The following ASXL1 variants were observed in gnomAD, a reference collection of about 807,000 sequenced individuals.
ASXL1 encodes ASXL transcriptional regulator 1.
A neutral mutation model predicts 89.1 loss-of-function variants in ASXL1; 65 were observed. The ratio of observed to expected loss-of-function variants is 0.73; its 90% CI spans 0.60 to 0.90. The LOEUF is 0.90. Ranked by LOEUF, ASXL1 falls within the 40% of genes least tolerant of loss-of-function variation. ASXL1 has a pLI of 0.00. For synonymous variants in ASXL1, 739 were observed against 746.9 expected (o/e 0.99, Z 0.17); for missense variants, 1,786 against 1,942.9 (o/e 0.92, Z 1.52).
chr20:32,398,120 C>T (rs1278109236), intron 4 of ASXL1, among the ~76,000 whole-genome samples: 1 of 152,148 alleles, frequency 6.6e-6, no homozygotes, highest in Non-Finnish European at 1.5e-5. Flanking sequence ...TAGAAAAATA[C>T]ATTTAAAATT....
rs115526367 is a variant in ASXL1 at position 32,416,606 on chromosome 20, C to T, written c.253-11522C>T. Among the ~76,000 whole-genome samples, 398 of 152,262 alleles carry T rather than the reference C, an allele frequency of 2.6e-3. 3 individuals are homozygous for T. Among genetic ancestry groups the T allele is most frequent in the African/African-American group, 9.2e-3 (383 of 41,532 alleles). On this transcript the variant is annotated intron_variant, in intron 4 of 12. Transcript: ENST00000375687. ...TCCAGTCCCCTGCTATGAATATGTG[C>T]GTTTTTCACTGTTTTCTAATCCCTG...
At chr20:32,424,985 T>C (rs1241412440) in intron 4 of ASXL1, among the ~76,000 whole-genome samples, 1 of 152,114 alleles carries the variant, frequency 6.6e-6, no homozygotes, top group Non-Finnish European at 1.5e-5. Context: ...TTCTTCCAGC[T>C]GAAGGTAACT....
At chr20:32,434,358 C>G (rs2011645451) in intron 12 of ASXL1, 74 bp from the exon 13 acceptor site, 3 of 1,542,154 alleles carry the variant, frequency 1.9e-6, no homozygotes, top group Non-Finnish European at 2.7e-6. Context: ...CTACTAGAAT[C>G]CTAGTTTTGC....
chr20:32,422,006 C>T (rs548093538), intron 4 of ASXL1, among the ~76,000 whole-genome samples: 1 of 149,822 alleles, frequency 6.7e-6, no homozygotes, highest in Non-Finnish European at 1.5e-5. Context: ...GTAGCTGGGA[C>T]TACAGGCGAC....
In ASXL1 at chr20:32,429,160, C is replaced by A; in HGVS notation, c.472-178C>A. 1.5e-6 allele frequency: 1 copy of A among 669,652 alleles called. No homozygotes were observed. Among genetic ancestry groups the A allele is most frequent in the Non-Finnish European group, 2.7e-6 (1 of 373,848 alleles). The allele number at this position is 669,652 out of a possible 1,614,324, so 41.5% of individuals were successfully genotyped here. On this transcript the variant is annotated intron_variant, in intron 6 of 12. Transcript: ENST00000375687. The surrounding 1 kb of genome is among the most constrained non-coding windows in gnomAD (Gnocchi z 4.9). The stretch of plus-strand genomic sequence containing the variant: ...TTGTAGCTTGGAATGATGCTTGGCA[C>A]AGTGACCAGCACGTAGCTCAGTAAC...
At chr20:32,412,516 A>G (rs2049065667) in intron 4 of ASXL1, among the ~76,000 whole-genome samples, 1 of 152,152 alleles carries the variant, frequency 6.6e-6, no homozygotes, top group South Asian at 2.1e-4. Flanking sequence ...AAAAATTTTA[A>G]ATGTATCACA....
intron 4 of ASXL1, among the ~76,000 whole-genome samples, chr20:32,407,431 A>G (rs1164228492): frequency 6.6e-6 from 1 of 151,908 alleles, no homozygotes; most frequent in Non-Finnish European, 1.5e-5. Context: ...GTGTTTTGCA[A>G]ATATTTTCTC....
intron 4 of ASXL1, among the ~76,000 whole-genome samples, chr20:32,423,633 C>T (rs1306031539): frequency 6.6e-6 from 1 of 152,152 alleles, no homozygotes; most frequent in Non-Finnish European, 1.5e-5. Flanking sequence ...TCACTGCAGC[C>T]TGCATGTCCC....
intron 4 of ASXL1, among the ~76,000 whole-genome samples, chr20:32,378,422 C>T (rs1178939771): frequency 2.0e-5 from 3 of 152,044 alleles, no homozygotes; most frequent in African/African-American, 7.2e-5. Context: ...TGTGGAGCTC[C>T]TTGGAGTTTT....
chr20:32,401,835 CGTGAGCCACTG>C (rs1206118586), intron 4 of ASXL1, among the ~76,000 whole-genome samples: 2 of 152,028 alleles, frequency 1.3e-5, no homozygotes, highest in Non-Finnish European at 2.9e-5. Flanking sequence ...GGATTACAGG[CGTGAGCCACTG>C]CACCTGGCCT....
intron 2 of ASXL1, among the ~76,000 whole-genome samples, chr20:32,367,295 G>T (rs545553312): frequency 6.6e-6 from 1 of 152,236 alleles, no homozygotes; most frequent in South Asian, 2.1e-4. Context: ...CTGGAGAATC[G>T]CTTGAACTCA....
chr20:32,430,229 T>G, intron 8 of ASXL1, 176 bp downstream of exon 8: 1 of 886,250 alleles, frequency 1.1e-6, no homozygotes, highest in South Asian at 1.9e-5. Context: ...AGCTCTCTGC[T>G]AAACTGTGAG....
At chr20:32,422,917 A>C (rs2011181132) in intron 4 of ASXL1, among the ~76,000 whole-genome samples, 1 of 152,046 alleles carries the variant, frequency 6.6e-6, no homozygotes, top group Non-Finnish European at 1.5e-5. Context: ...ATTTAGTGAA[A>C]GATCACCCAT....
chr20:32,359,280 C>A, intron 1 of ASXL1: 2 of 702,488 alleles, frequency 2.8e-6, no homozygotes, highest in African/African-American at 1.7e-5. Context: ...GGTGGAAAAG[C>A]GACCCCACAT....
At position 32,437,405 on chromosome 20, in the gene ASXL1, C is replaced by T. The variant is rs1160338880; in HGVS notation, c.*67C>T. The T allele has an allele frequency of 1.9e-6, 3 of 1,582,860 alleles. No homozygotes were observed. The highest frequency in any genetic ancestry group is 2.6e-6 in the Non-Finnish European group (3 of 1,152,642). ...ATTTTGATAATGATTGATCTTAAATCTGTATACAGAATATCATTGATATAA... is the reference window on the plus strand; with the variant it reads ...ATTTTGATAATGATTGATCTTAAATTTGTATACAGAATATCATTGATATAA... On this transcript the variant is annotated 3_prime_UTR_variant, in exon 13 of 13. Transcript: ENST00000375687.
chr20:32,436,889 C>T lies in ASXL1; in HGVS notation c.4177C>T (p.Leu1393=), dbSNP rs2011939219. The change falls in exon 13 of 13, where the codon CTG becomes TTG. Residue 1393 remains leucine, a synonymous_variant. Transcript: ENST00000375687. The part of the protein sequence containing the change: ...ENRKATGHSP[L]ELVGHLEGMP... ...CAGGAAAGCTACTGGGCATAGTCCC[C>T]TGGAACTGGTGGGTCACTTGGAAGG... 2 of 1,614,208 alleles carry T rather than the reference C, an allele frequency of 1.2e-6. No individual in the cohort carries two copies. The highest frequency in any genetic ancestry group is 2.7e-5 in the African/African-American group (2 of 75,056).
At chr20:32,393,275 CATAAT>C (rs1390556592) in intron 4 of ASXL1, among the ~76,000 whole-genome samples, 7 of 152,108 alleles carry the variant, frequency 4.6e-5, no homozygotes, top group South Asian at 2.1e-4. Context: ...TACTTTGTCT[CATAAT>C]ATAGCTACTC....
intron 4 of ASXL1, among the ~76,000 whole-genome samples, chr20:32,404,681 A>G (rs1312398647): frequency 6.6e-6 from 1 of 152,146 alleles, no homozygotes; most frequent in Non-Finnish European, 1.5e-5. Flanking sequence ...TGTGTCGAAT[A>G]TGAGTGCTTA....
rs187706788 is a variant in ASXL1, at chr20:32,428,544, C to T, written c.471+122C>T. On this transcript the variant is annotated intron_variant, in intron 6 of 12. Transcript: ENST00000375687. ...AGAGTGAAGAATAGAAGTCTGGTCT[C>T]CAGCTGTTAGTAGCATTTAACAGGG... 9.3e-6 allele frequency: 9 copies of T among 965,416 alleles called. No homozygotes were observed. The East Asian group carries it at 1.7e-4, about 19-fold the overall frequency. The allele number at this position is 965,416 out of a possible 1,614,324, so 59.8% of individuals were successfully genotyped here. A position where few individuals can be genotyped will look rare whatever the true frequency, so the allele number is the denominator to read the frequency against.
Sources: allele counts gnomAD v4.1 joint callset (sites outside exome capture counted in the v4.1 genomes callset), GRCh38; gene constraint gnomAD v4.1.1; non-coding constraint Gnocchi (gnomAD v3.1); transcripts MANE v1.5; gene names NCBI Gene and HGNC (gene_info 2026-07-23, HGNC 2026-07-21).